RPL10A: variants seen among roughly 807,000 people sequenced by gnomAD.
The protein encoded by RPL10A is ribosomal protein L10a.
A neutral mutation model predicts 24.6 loss-of-function variants in RPL10A; 11 were observed. The ratio of observed to expected loss-of-function variants is 0.45; its 90% CI spans 0.28 to 0.74. The LOEUF (loss-of-function observed/expected upper bound fraction) is 0.74. RPL10A is among the 30% of genes least tolerant of loss of function. The pLI is 0.13. For missense variants in RPL10A, 136 were observed against 273.1 expected, an observed-to-expected ratio of 0.50 and a Z score of 3.54; for synonymous variants, 98 against 108.5, an observed-to-expected ratio of 0.90 and a Z score of 0.60.
intron 4 of RPL10A, among the ~76,000 whole-genome samples, 177 bp downstream of exon 4, chr6:35,469,706 C>G (rs995927849): frequency 1.3e-5 from 2 of 152,094 alleles, no homozygotes; most frequent in East Asian, 3.9e-4. Context: ...GTTTGTATTG[C>G]TATGAGGATT....
At chr6:35,468,645 C>G in intron 1 of RPL10A, 154 bp from the exon 2 acceptor site, 1 of 1,516,276 alleles carries the variant, frequency 6.6e-7, no homozygotes, top group Non-Finnish European at 8.8e-7. Flanking sequence ...GGGTCTGGGT[C>G]TGAGCTCCCG....
In RPL10A at chr6:35,470,112, G is replaced by T; in HGVS notation, c.311-67G>T. 2 of 1,483,892 alleles carry T rather than the reference G, an allele frequency of 1.3e-6. No homozygotes were observed. Among genetic ancestry groups the T allele is most frequent in the Non-Finnish European group, 9.2e-7 (1 of 1,082,128 alleles). 91.9% of individuals were successfully genotyped at this position (1,483,892 alleles called of 1,614,324 possible). ...ATTGATTCAAGTGCGTTTCTGGCCT[G>T]CCACATTTGAGGTGTGCCTTGGTGA... On this transcript the variant is annotated intron_variant, in intron 4 of 5. Transcript: ENST00000322203. This position sits in a 1 kb window ranked among gnomAD's most constrained non-coding sequence, Gnocchi z 4.6.
Position 35,470,436 on chromosome 6 carries a change from C to T in RPL10A, c.483+85C>T, listed in dbSNP as rs1768008887. 1 of 1,518,356 alleles carries T rather than the reference C, an allele frequency of 6.6e-7. No homozygotes were observed. The highest frequency in any genetic ancestry group is 8.9e-7 in the Non-Finnish European group (1 of 1,119,470). 94.1% of individuals were successfully genotyped at this position (1,518,356 alleles called of 1,614,324 possible). On this transcript the variant is annotated intron_variant, in intron 5 of 5. Transcript: ENST00000322203. The surrounding 1 kb of genome is among the most constrained non-coding windows in gnomAD (Gnocchi z 4.6). ...AAGTCTCTAAATATGCCAGTAAGAG[C>T]ACCCACCAGGATTGAAACTTTTGGA...
intron 2 of RPL10A, 29 bp from the exon 3 acceptor site, chr6:35,468,918 G>T (rs1767953379): frequency 3.1e-6 from 5 of 1,613,678 alleles, no homozygotes; most frequent in East Asian, 2.2e-5. Context: ...GAGGGCCGGC[G>T]GGTGCTTAAC....
In RPL10A at chr6:35,470,361, T is replaced by A; in HGVS notation, c.483+10T>A. ...GTTCCAAATGAAGAAGGTGAGTGGG[T>A]CTGGCGGGTTGCTATGGGTGAAGGT... On this transcript the variant is annotated intron_variant, in intron 5 of 5. Coordinates refer to ENST00000322203, the MANE Select transcript of RPL10A (RefSeq NM_007104.5). This position sits in a 1 kb window ranked among gnomAD's most constrained non-coding sequence, Gnocchi z 4.6. 6.3e-7 allele frequency: 1 copy of A among 1,598,988 alleles called. No homozygotes were observed. Among genetic ancestry groups the A allele is most frequent in the Non-Finnish European group, 8.5e-7 (1 of 1,177,320 alleles).
chr6:35,469,130 C>CT (rs1223351185), intron 3 of RPL10A, 103 bp downstream of exon 3: 2 of 1,545,772 alleles, frequency 1.3e-6, no homozygotes, highest in Non-Finnish European at 1.7e-6. Context: ...TACTGATGTG[C>CT]TAGGGTAGTT....
chr6:35,468,490 C>G lies in RPL10A; in HGVS notation c.5+51C>G. 3 of 1,611,864 alleles carry G rather than the reference C, an allele frequency of 1.9e-6. No individual in the cohort carries two copies. The Middle Eastern group carries it at 5.0e-4, about 268-fold the overall frequency. On this transcript the variant is annotated intron_variant, in intron 1 of 5. Transcript: ENST00000322203. ...CGCGTTCATCCGCGCCTTCAGGTGC[C>G]CCGCCGAGGGTTCGGATCCTGTAGG... is the stretch of plus-strand genomic sequence containing the variant.
At position 35,470,610 on chromosome 6, in the gene RPL10A, G is replaced by T; in HGVS notation, c.514G>T (p.Val172Leu). Reference protein sequence around the residue: ...VLCLAVAVGHVKMTDDELVYN... With the variant: ...VLCLAVAVGHLKMTDDELVYN... The stretch of plus-strand genomic sequence containing the variant: ...ATGTCTGGCTGTAGCTGTTGGTCAC[G>T]TGAAGATGACAGACGATGAGCTTGT... Residue 172 changes from valine (V) to leucine (L), a missense_variant, in exon 6 of 6, where the codon GTG (valine) becomes TTG (leucine). Physicochemically the swap from Val to Leu is conservative, Grantham distance 32. Transcript: ENST00000322203. This position sits in a 1 kb window ranked among gnomAD's most constrained non-coding sequence, Gnocchi z 4.6. 1.2e-6 allele frequency: 2 copies of T among 1,613,932 alleles called. No homozygotes were observed. The highest frequency in any genetic ancestry group is 1.7e-6 in the Non-Finnish European group (2 of 1,179,872).
chr6:35,469,507 TA>T lies in RPL10A; in HGVS notation c.294del (p.Lys98AsnfsTer19). ...AGGCGCTGAAAAAACTCAACAAGAA[TA>T]AAAAACTGGTCAAGAAGCTGGGTGA... The part of the protein sequence containing the change: ...IEALKKLNKN[K>X]KLVKKLAKKY... On this transcript the variant is annotated frameshift_variant, in exon 4 of 6. Coordinates refer to ENST00000322203, the MANE Select transcript of RPL10A (RefSeq NM_007104.5). LOFTEE classifies it high-confidence loss of function. The T allele has an allele frequency of 2.5e-6, 4 of 1,613,848 alleles. No homozygotes were observed. The highest frequency in any genetic ancestry group is 3.4e-6 in the Non-Finnish European group (4 of 1,179,906).
chr6:35,468,775 C>G (rs923289372), intron 1 of RPL10A, 24 bp from the exon 2 acceptor site: 1 of 1,569,442 alleles, frequency 6.4e-7, no homozygotes, highest in African/African-American at 1.4e-5. Context: ...CGGCCCTGAG[C>G]GCCCTGTCGC....
chr6:35,468,921 T>C, intron 2 of RPL10A, 26 bp from the exon 3 acceptor site: 1 of 1,602,298 alleles, frequency 6.2e-7, no homozygotes, highest in Non-Finnish European at 8.5e-7. Flanking sequence ...GGCCGGCGGG[T>C]GCTTAACCCC....
chr6:35,469,845 A>C (rs1234273124), intron 4 of RPL10A, among the ~76,000 whole-genome samples: 1 of 152,172 alleles, frequency 6.6e-6, no homozygotes, highest in African/African-American at 2.4e-5. Flanking sequence ...GGAAGCAGAC[A>C]TTCCCAGTTG....
At chr6:35,468,894 A>T in intron 2 of RPL10A, 21 bp downstream of exon 2, 1 of 1,613,276 alleles carries the variant, frequency 6.2e-7, no homozygotes, top group Non-Finnish European at 8.5e-7. Flanking sequence ...ACCCTGGGGC[A>T]CGGCGCGGGT....
intron 1 of RPL10A, 179 bp downstream of exon 1, chr6:35,468,618 C>T (rs967899160): frequency 5.2e-6 from 8 of 1,530,102 alleles, no homozygotes; most frequent in African/African-American, 1.4e-5. Context: ...GAGAGCCTCC[C>T]TCTTCCACCG....
intron 3 of RPL10A, 21 bp from the exon 4 acceptor site, chr6:35,469,360 G>A: frequency 6.3e-7 from 1 of 1,589,124 alleles, no homozygotes; most frequent in Non-Finnish European, 8.5e-7. Flanking sequence ...TAACCTGTTG[G>A]TGCTGTCCCC....
chr6:35,470,044 G>GGC lies in RPL10A; in HGVS notation c.311-133_311-132dup. 1 of 753,902 alleles carries GGC rather than the reference G, an allele frequency of 1.3e-6. No individual in the cohort carries two copies. The highest frequency in any genetic ancestry group is 1.9e-5 in the South Asian group (1 of 53,050). 46.7% of individuals were successfully genotyped at this position (753,902 alleles called of 1,614,324 possible). ...CCGTTTGGGCTAGGGAAAAGACTGA[G>GGC]GCGGGGTCTTAGAGAGGGTGCTGCT... On this transcript the variant is annotated intron_variant, in intron 4 of 5. Transcript: ENST00000322203. The surrounding 1 kb of genome is among the most constrained non-coding windows in gnomAD (Gnocchi z 4.6).
In RPL10A at chr6:35,470,246, A is replaced by C. The variant is rs1048470158; in HGVS notation, c.378A>C (p.Pro126=). Residue 126 remains proline (P), a synonymous_variant, in exon 5 of 6, where the codon CCA becomes CCC. Transcript: ENST00000322203. This position sits in a 1 kb window ranked among gnomAD's most constrained non-coding sequence, Gnocchi z 4.6. ...LIKQIPRILG[P]GLNKAGKFPS... ...AGCAGATTCCACGAATCCTCGGCCCAGGTTTAAATAAGGCAGGAAAGTTCC... is the reference window on the plus strand; with the variant it reads ...AGCAGATTCCACGAATCCTCGGCCCCGGTTTAAATAAGGCAGGAAAGTTCC... 1 of 1,612,224 alleles carries C rather than the reference A, an allele frequency of 6.2e-7. No homozygotes were observed. The highest frequency in any genetic ancestry group is 8.5e-7 in the Non-Finnish European group (1 of 1,179,848).
In RPL10A at chr6:35,470,023, T is replaced by C. The variant is rs796921003; in HGVS notation, c.311-156T>C. Among the ~76,000 whole-genome samples the C allele has an allele frequency of 5.9e-5, 9 of 151,964 alleles. 1 individual carries two copies. Among genetic ancestry groups the C allele is most frequent in the African/African-American group, 1.5e-4 (6 of 41,346 alleles). ...GTCCAGAGGACTTTCTGGAAACCGT[T>C]TGGGCTAGGGAAAAGACTGAGGCGG... is the stretch of plus-strand genomic sequence containing the variant. On this transcript the variant is annotated intron_variant, in intron 4 of 5. Coordinates refer to ENST00000322203, the MANE Select transcript of RPL10A (RefSeq NM_007104.5). The surrounding 1 kb of genome is among the most constrained non-coding windows in gnomAD (Gnocchi z 4.6).
Position 35,470,539 on chromosome 6 carries a change from C to G in RPL10A, c.484-41C>G. The G allele has an allele frequency of 2.5e-6, 4 of 1,587,926 alleles. No individual in the cohort carries two copies. Among genetic ancestry groups the G allele is most frequent in the Non-Finnish European group, 3.4e-6 (4 of 1,160,328 alleles). On this transcript the variant is annotated intron_variant, in intron 5 of 5. Transcript: ENST00000322203. The surrounding 1 kb of genome is among the most constrained non-coding windows in gnomAD (Gnocchi z 4.6). ...GAGGAAGGACAGGCCATCTGCTATT[C>G]GTCCACCAACCTGACTTGATCCTCT... is the stretch of plus-strand genomic sequence containing the variant.
Sources: allele counts gnomAD v4.1 joint callset (sites outside exome capture counted in the v4.1 genomes callset), GRCh38; gene constraint gnomAD v4.1.1; non-coding constraint Gnocchi (gnomAD v3.1); transcripts MANE v1.5; gene names NCBI Gene and HGNC (gene_info 2026-07-23, HGNC 2026-07-21).